Variants in FGGY observed in about 807,000 individuals in gnomAD.
The protein encoded by FGGY is FGGY carbohydrate kinase domain containing, also known as FGGY carbohydrate kinase domain-containing protein.
Under a neutral mutation model 71.3 loss-of-function variants are expected in FGGY, and 72 were observed. The observed-to-expected ratio is 1.01, with a 90% CI of 0.84 to 1.23. The LOEUF (loss-of-function observed/expected upper bound fraction) is 1.23. Ranked by LOEUF, FGGY falls within the 50% of genes most tolerant of loss-of-function variation. FGGY has a pLI of 0.00. For missense variants in FGGY, 668 were observed against 682.3 expected, an observed-to-expected ratio of 0.98 and a Z score of 0.23; for synonymous variants, 251 against 250.3, an observed-to-expected ratio of 1.00 and a Z score of -0.02.
chr1:59,597,961 T>G (rs1014259147), intron 8 of FGGY, among the ~76,000 whole-genome samples: 2 of 152,222 alleles, frequency 1.3e-5, no homozygotes, highest in Admixed American at 6.5e-5. Context: ...CACTACGTGA[T>G]GTCAGAGCAA....
chr1:59,455,149 G>T (rs568539648), intron 5 of FGGY, among the ~76,000 whole-genome samples: 1 of 152,316 alleles, frequency 6.6e-6, no homozygotes, highest in East Asian at 1.9e-4. Flanking sequence ...TGGGCTGACG[G>T]AGTTGCTGGT....
At chr1:59,421,884 T>C (rs971213565) in intron 5 of FGGY, among the ~76,000 whole-genome samples, 1 of 152,188 alleles carries the variant, frequency 6.6e-6, no homozygotes, top group African/African-American at 2.4e-5. Flanking sequence ...GTGAAGGATT[T>C]GGGTTGAAGT....
At chr1:59,682,907 G>C (rs1366915433) in intron 14 of FGGY, among the ~76,000 whole-genome samples, 1 of 152,222 alleles carries the variant, frequency 6.6e-6, no homozygotes, top group Non-Finnish European at 1.5e-5. Flanking sequence ...CAAGTGTACT[G>C]TTTAGTTCAG....
At chr1:59,754,246 G>A (rs768962126) in intron 14 of FGGY, among the ~76,000 whole-genome samples, 5 of 152,156 alleles carry the variant, frequency 3.3e-5, no homozygotes, top group East Asian at 1.9e-4. Context: ...ATTCTCATAA[G>A]GCACATCATA....
Position 59,309,603 on chromosome 1 carries a change from C to T in FGGY, c.-14-11933C>T, listed in dbSNP as rs74085535. 9.9e-3 allele frequency among the ~76,000 whole-genome samples: 1,503 copies of T among 152,272 alleles called. 27 individuals are homozygous for T. Among genetic ancestry groups the T allele is most frequent in the African/African-American group, 0.033 (1,373 of 41,548 alleles). On this transcript the variant is annotated intron_variant, in intron 1 of 15. Transcript: ENST00000303721. ...TGGTTCGTGGTACTTTTGACAGAGC[C>T]ATGTTTGTGGAATGGTCAAGTCTAA...
At chr1:59,414,819 C>A (rs917035923) in intron 5 of FGGY, among the ~76,000 whole-genome samples, 15 of 152,210 alleles carry the variant, frequency 9.9e-5, no homozygotes, top group Admixed American at 8.5e-4. Flanking sequence ...TGATATCCCT[C>A]TGTGTCCTCC....
At chr1:59,685,630 G>A (rs2097538067) in intron 14 of FGGY, among the ~76,000 whole-genome samples, 1 of 152,186 alleles carries the variant, frequency 6.6e-6, no homozygotes, top group African/African-American at 2.4e-5. Context: ...ATTAATATTT[G>A]TATTCAAAGT....
intron 8 of FGGY, among the ~76,000 whole-genome samples, chr1:59,566,481 G>A (rs2095874653): frequency 1.3e-5 from 2 of 152,160 alleles, no homozygotes; most frequent in South Asian, 4.2e-4. Flanking sequence ...TTAACCAATG[G>A]TTAGAGCCCC....
intron 1 of FGGY, among the ~76,000 whole-genome samples, chr1:59,311,966 C>T (rs55685901): frequency 0.19 from 28,637 of 152,160 alleles, 3,246 homozygotes; most frequent in East Asian, 0.35. Flanking sequence ...GATAGTATCT[C>T]GTTTTGGTTT....
At chr1:59,405,987 GA>G (rs1281828544) in intron 5 of FGGY, among the ~76,000 whole-genome samples, 1 of 150,784 alleles carries the variant, frequency 6.6e-6, no homozygotes, top group Non-Finnish European at 1.5e-5. Context: ...GCTCAATGAA[GA>G]AAAACTAGAG....
chr1:59,750,447 G>A (rs1260977426), intron 14 of FGGY, among the ~76,000 whole-genome samples: 2 of 152,136 alleles, frequency 1.3e-5, no homozygotes, highest in Non-Finnish European at 2.9e-5. Context: ...AGATATTAAT[G>A]TACAGCTTGA....
At chr1:59,498,203 C>G (rs1278806185) in intron 6 of FGGY, among the ~76,000 whole-genome samples, 1 of 134,746 alleles carries the variant, frequency 7.4e-6, no homozygotes, top group Non-Finnish European at 1.6e-5. Context: ...CTTTCACAAC[C>G]CTAAAATATG....
chr1:59,353,433 C>T (rs1182656858), intron 4 of FGGY, among the ~76,000 whole-genome samples: 1 of 152,004 alleles, frequency 6.6e-6, no homozygotes, highest in Non-Finnish European at 1.5e-5. Flanking sequence ...ATTCTAGAAA[C>T]CATCATCAAA....
At chr1:59,639,392 A>G (rs1294617522) in intron 11 of FGGY, among the ~76,000 whole-genome samples, 3 of 152,224 alleles carry the variant, frequency 2.0e-5, no homozygotes, top group African/African-American at 7.2e-5. Context: ...TCATGGTGAA[A>G]AGAAAAGAAA....
intron 14 of FGGY, among the ~76,000 whole-genome samples, chr1:59,694,144 C>G (rs1471895786): frequency 1.3e-5 from 2 of 151,676 alleles, no homozygotes; most frequent in Non-Finnish European, 2.9e-5. Context: ...AAAAAATTAG[C>G]TGGGCACAGT....
intron 1 of FGGY, among the ~76,000 whole-genome samples, chr1:59,318,253 G>A (rs2045798937): frequency 6.6e-6 from 1 of 152,206 alleles, no homozygotes. Context: ...AAGCTGCTTA[G>A]CAGAATATCA....
At chr1:59,476,362 C>T (rs1163365884) in intron 6 of FGGY, among the ~76,000 whole-genome samples, 1 of 152,146 alleles carries the variant, frequency 6.6e-6, no homozygotes, top group African/African-American at 2.4e-5. Context: ...ATTCATTTTA[C>T]TGATGAGGAA....
At chr1:59,617,094 G>A (rs988537857) in intron 9 of FGGY, among the ~76,000 whole-genome samples, 3 of 151,804 alleles carry the variant, frequency 2.0e-5, no homozygotes, top group Admixed American at 6.6e-5. Flanking sequence ...TTTTATTCCC[G>A]CTTGCATATG....
intron 6 of FGGY, among the ~76,000 whole-genome samples, chr1:59,474,711 GGAAC>G (rs2093171946): frequency 6.6e-6 from 1 of 152,216 alleles, no homozygotes; most frequent in South Asian, 2.1e-4. Context: ...TTTGGATCTA[GGAAC>G]ACACTGATCA....
Sources: gnomAD v4.1 joint callset for allele counts (sites outside exome capture counted in the v4.1 genomes callset) on GRCh38, gnomAD v4.1.1 for gene constraint, MANE v1.5 for transcripts, NCBI Gene and HGNC (gene_info 2026-07-23, HGNC 2026-07-21) for gene names.